SLC37A1: variants seen among roughly 807,000 people sequenced by gnomAD.
The protein encoded by SLC37A1 is solute carrier family 37 member 1.
SLC37A1 carries 49 observed loss-of-function variants against 75.3 expected under a neutral mutation model. The observed-to-expected ratio is 0.65, with a 90% CI of 0.52 to 0.83. SLC37A1 has a LOEUF of 0.83. Among genes scored for constraint, SLC37A1 ranks in the 40% least tolerant of loss-of-function variants. The pLI, the probability that SLC37A1 is intolerant of heterozygous loss-of-function variation, is 0.00. For synonymous variants in SLC37A1, 268 were observed against 292.1 expected, an observed-to-expected ratio of 0.92 and a Z score of 0.84; for missense variants, 566 against 695.0, an observed-to-expected ratio of 0.81 and a Z score of 2.09.
At chr21:42,518,567 G>C in intron 2 of SLC37A1, 57 bp downstream of exon 2, 1 of 1,575,840 alleles carries the variant, frequency 6.3e-7, no homozygotes, top group Non-Finnish European at 8.7e-7. Context: ...GAGGGCTACT[G>C]TGCAGGTAGT....
At chr21:42,570,492 G>T (rs534756013) in intron 17 of SLC37A1, among the ~76,000 whole-genome samples, 25 of 152,284 alleles carry the variant, frequency 1.6e-4, no homozygotes, top group African/African-American at 6.0e-4. Context: ...CTTCTGTCTT[G>T]GGCATCTCAG....
intron 17 of SLC37A1, among the ~76,000 whole-genome samples, chr21:42,569,549 TGCCGCACTCCCTC>T (rs2056073676): frequency 1.6e-4 from 6 of 37,346 alleles, no homozygotes; most frequent in Admixed American, 5.3e-4. Context: ...CACTCCCTCG[TGCCGCACTCCCTC>T]GTGCCTTGAG....
chr21:42,539,590 G>C lies in SLC37A1; in HGVS notation c.429G>C (p.Leu143=), dbSNP rs762376452. ...TCGCCAGCGGAGCCTTCACCGCCCT[G>C]TTCGGCTTAGGGTATTTCTACAACA... ...GMLASGAFTA[L]FGLGYFYNIH... is the part of the protein sequence containing the mutation. The change falls in exon 6 of 20, where the codon CTG becomes CTC. Residue 143 remains leucine, a synonymous_variant. Transcript: ENST00000352133. The C allele has an allele frequency of 1.9e-6, 3 of 1,613,976 alleles. No homozygotes were observed. The highest frequency in any genetic ancestry group is 2.5e-6 in the Non-Finnish European group (3 of 1,179,950).
chr21:42,530,032 A>G (rs548016657), intron 3 of SLC37A1, among the ~76,000 whole-genome samples: 1 of 152,302 alleles, frequency 6.6e-6, no homozygotes, highest in African/African-American at 2.4e-5. Flanking sequence ...AGTGACCAAA[A>G]AAAGCAAAAA....
intron 4 of SLC37A1, 76 bp downstream of exon 4, chr21:42,534,906 G>A (rs540050749): frequency 1.1e-5 from 17 of 1,525,354 alleles, no homozygotes; most frequent in Non-Finnish European, 1.5e-5. Context: ...TTTAGCAGCA[G>A]TAATGCTGTT....
chr21:42,568,497 C>G, intron 17 of SLC37A1, 59 bp downstream of exon 17: 1 of 1,521,498 alleles, frequency 6.6e-7, no homozygotes, highest in Non-Finnish European at 9.0e-7. Context: ...CACATTGTCA[C>G]ATGCTCGTGA....
Position 42,558,107 on chromosome 21 carries a change from A to AT in SLC37A1, c.850-842dup, listed in dbSNP as rs35656555. Among the ~76,000 whole-genome samples, 116 of 150,812 alleles carry AT rather than the reference A, an allele frequency of 7.7e-4. 1 individual carries two copies. Among genetic ancestry groups the AT allele is most frequent in the African/African-American group, 2.6e-3 (108 of 41,076 alleles). On this transcript the variant is annotated intron_variant, in intron 10 of 19. Transcript: ENST00000352133. ...CAAGCGCATACCACCACATTCCACT[A>AT]TTTTTTTTTAGGTCTTACTGTGTGG...
At chr21:42,507,231 A>G (rs2054391829) in intron 2 of SLC37A1, among the ~76,000 whole-genome samples, 1 of 152,184 alleles carries the variant, frequency 6.6e-6, no homozygotes, top group South Asian at 2.1e-4. Flanking sequence ...TTTAGAAAAG[A>G]TTTAAGATAC....
chr21:42,574,966 G>C (rs775682799), intron 18 of SLC37A1, 51 bp downstream of exon 18: 1 of 1,609,560 alleles, frequency 6.2e-7, no homozygotes, highest in Admixed American at 1.7e-5. Context: ...GATCTCTGTG[G>C]TTGTGTCCAA....
At position 42,518,372 on chromosome 21, in the gene SLC37A1, A is replaced by G; in HGVS notation, c.-83A>G. 1.9e-6 allele frequency: 3 copies of G among 1,557,306 alleles called. No homozygotes were observed. Among genetic ancestry groups the G allele is most frequent in the Non-Finnish European group, 2.7e-6 (3 of 1,129,582 alleles). ...TGTGGGAGCGGCAGGGGCAACAGAG[A>G]GAGGATCTGGAGCCAGGATTAATGA... On this transcript the variant is annotated 5_prime_UTR_variant, in exon 2 of 20. Transcript: ENST00000352133.
At chr21:42,532,469 G>A (rs1179677071) in intron 3 of SLC37A1, among the ~76,000 whole-genome samples, 1 of 152,186 alleles carries the variant, frequency 6.6e-6, no homozygotes, top group Admixed American at 6.5e-5. Flanking sequence ...AGTCAGAGGT[G>A]AATTGTAGTG....
intron 16 of SLC37A1, among the ~76,000 whole-genome samples, chr21:42,567,986 C>T (rs111400064): frequency 5.8e-4 from 88 of 152,382 alleles, no homozygotes; most frequent in African/African-American, 2.0e-3. Context: ...ATCCAGCAGA[C>T]ACGTGGATGT....
intron 17 of SLC37A1, among the ~76,000 whole-genome samples, chr21:42,570,770 G>A (rs1008447557): frequency 6.6e-5 from 10 of 152,226 alleles, no homozygotes; most frequent in African/African-American, 2.4e-4. Context: ...TGAGAGGGAA[G>A]CAGAAGTCTG....
At chr21:42,539,476 G>A in intron 5 of SLC37A1, 36 bp from the exon 6 acceptor site, 2 of 1,588,878 alleles carry the variant, frequency 1.3e-6, no homozygotes, top group East Asian at 4.6e-5. Flanking sequence ...GGGCGTGTTT[G>A]TTATTCCTAT....
chr21:42,499,826 A>G (rs1169737844), intron 1 of SLC37A1: 1 of 152,322 alleles, frequency 6.6e-6, no homozygotes, highest in African/African-American at 2.4e-5. Context: ...CAAAAAGAAG[A>G]AAAACAGTCC....
In SLC37A1 at chr21:42,534,704, C is replaced by T; in HGVS notation, c.145C>T (p.Leu49Phe). ...CCCTCCCATCACGTCCCAGGGTGAG[C>T]TCCACAAGTACTGCACTGCTTGGGA... is the stretch of plus-strand genomic sequence containing the variant. ...RKPISIVKGE[L>F]HKYCTAWDEA... The change falls in exon 4 of 20, where the codon CTC becomes TTC. Residue 49 changes from leucine to phenylalanine, a missense_variant. Transcript: ENST00000352133. 1.2e-6 allele frequency: 2 copies of T among 1,610,754 alleles called. No individual in the cohort carries two copies. Among genetic ancestry groups the T allele is most frequent in the Non-Finnish European group, 1.7e-6 (2 of 1,177,836 alleles).
Position 42,547,366 on chromosome 21 carries a change from A to G in SLC37A1, c.768+226A>G. 1 of 509,920 alleles carries G rather than the reference A, an allele frequency of 2.0e-6. No homozygotes were observed. The highest frequency in any genetic ancestry group is 3.5e-6 in the Non-Finnish European group (1 of 285,904). 31.6% of individuals were successfully genotyped at this position (509,920 alleles called of 1,614,324 possible). On this transcript the variant is annotated intron_variant, in intron 9 of 19. Transcript: ENST00000352133. This position sits in a 1 kb window ranked among gnomAD's most constrained non-coding sequence, Gnocchi z 6.1. ...CAAGAGGTTCAATGCTGTCCAGATG[A>G]AGGACTTCATGCTAAGGGGAACCAA...
chr21:42,571,917 G>A (rs773545842), intron 17 of SLC37A1, among the ~76,000 whole-genome samples: 20 of 152,100 alleles, frequency 1.3e-4, no homozygotes, highest in Non-Finnish European at 2.2e-4. Flanking sequence ...CGCCCACTGC[G>A]CGGCTTGGCC....
At chr21:42,500,382 G>C (rs12482654) in intron 1 of SLC37A1, among the ~76,000 whole-genome samples, 20,427 of 152,198 alleles carry the variant, frequency 0.13, 1,705 homozygotes, top group Non-Finnish European at 0.19. Context: ...CCCGAGATTG[G>C]AGCCCTAGCT....
Sources: allele counts gnomAD v4.1 joint callset (sites outside exome capture counted in the v4.1 genomes callset), GRCh38; gene constraint gnomAD v4.1.1; non-coding constraint Gnocchi (gnomAD v3.1); transcripts MANE v1.5; gene names NCBI Gene and HGNC (gene_info 2026-07-23, HGNC 2026-07-21).